Variants in SPEN observed in about 807,000 individuals in gnomAD.
SPEN encodes msx2-interacting protein.
Under a neutral mutation model 269.9 loss-of-function variants are expected in SPEN, and 18 were observed. That is an observed-to-expected ratio of 0.07 (90% confidence interval 0.05 to 0.10). The LOEUF is 0.10. Among genes scored for constraint, SPEN ranks in the 10% least tolerant of loss-of-function variants. SPEN has a pLI of 1.00. For missense variants in SPEN, 3,822 were observed against 4,631.2 expected (o/e 0.83, Z 5.07); for synonymous variants, 1,726 against 1,765.7 (o/e 0.98, Z 0.56).
At position 15,911,201 on chromosome 1, in the gene SPEN, A is replaced by G; in HGVS notation, c.1143A>G (p.Val381=). ...CTTCAGAAGAGAGGTATGGTCTGGT[A>G]TTCTTTCGGCAGCAAGAGGACCAAG... ...HGTSEERYGL[V]FFRQQEDQEK... The change falls in exon 5 of 15, where the codon GTA becomes GTG. Residue 381 remains valine (V), a synonymous_variant. Transcript: ENST00000375759. 6.2e-7 allele frequency: 1 copy of G among 1,614,148 alleles called. No individual in the cohort carries two copies. The highest frequency in any genetic ancestry group is 8.5e-7 in the Non-Finnish European group (1 of 1,180,000).
At chr1:15,860,992 C>T (rs1028540855) in intron 1 of SPEN, among the ~76,000 whole-genome samples, 3 of 151,988 alleles carry the variant, frequency 2.0e-5, no homozygotes, top group Non-Finnish European at 4.4e-5. Context: ...GCAATCTCTG[C>T]CTCCTGGGTT....
rs546265986 is a variant in SPEN at position 15,856,535 on chromosome 1, T to G, written c.83+8385T>G. The stretch of plus-strand genomic sequence containing the variant: ...ATTATTGTCATCACAACTTGGAAAT[T>G]ACAGTGGCTGTTAGATCTGCTGCCA... On this transcript the variant is annotated intron_variant, in intron 1 of 14. Coordinates refer to ENST00000375759, the MANE Select transcript of SPEN (RefSeq NM_015001.3). Among the ~76,000 whole-genome samples, 280 of 151,994 alleles carry G rather than the reference T, an allele frequency of 1.8e-3. 1 individual carries two copies. Among genetic ancestry groups the G allele is most frequent in the African/African-American group, 6.5e-3 (269 of 41,472 alleles).
chr1:15,870,055 G>A (rs2070557302), intron 1 of SPEN, among the ~76,000 whole-genome samples: 1 of 151,994 alleles, frequency 6.6e-6, no homozygotes. Flanking sequence ...TTTTAGTAGA[G>A]ACGGGGTTTC....
chr1:15,938,392 A>G (rs946065953), intron 13 of SPEN, among the ~76,000 whole-genome samples: 1 of 152,184 alleles, frequency 6.6e-6, no homozygotes, highest in Admixed American at 6.5e-5. Context: ...CTGGGATTAC[A>G]GGCCTGAGCC....
Position 15,933,261 on chromosome 1 carries a change from A to G in SPEN, c.7021A>G (p.Lys2341Glu), listed in dbSNP as rs768563868. 1 of 1,614,056 alleles carries G rather than the reference A, an allele frequency of 6.2e-7. No homozygotes were observed. Among genetic ancestry groups the G allele is most frequent in the African/African-American group, 1.3e-5 (1 of 74,924 alleles). The change falls in exon 11 of 15, where the codon AAG (lysine) becomes GAG (glutamate). Residue 2341 changes from lysine (K) to glutamate (E), a missense_variant. Around this residue, in one of 16 missense-constraint regions of SPEN, gnomAD observed 727 missense variants for 737.9 expected, o/e 0.99. Transcript: ENST00000375759. This position sits in a 1 kb window ranked among gnomAD's most constrained non-coding sequence, Gnocchi z 5.7. ...GRQKTTRSRR[K>E]RNTNKKVVAP... Reference sequence around the variant, plus strand: ...CCAGAAAACAACCCGATCACGCCGCAAGCGAAACACAAACAAGAAAGTGGT... The same window carrying G: ...CCAGAAAACAACCCGATCACGCCGCGAGCGAAACACAAACAAGAAAGTGGT...
intron 10 of SPEN, among the ~76,000 whole-genome samples, chr1:15,923,530 G>A (rs1200094927): frequency 1.3e-5 from 2 of 152,184 alleles, no homozygotes; most frequent in African/African-American, 4.8e-5. Context: ...CCAAGTCAGG[G>A]TTGTGCTGCC....
At chr1:15,920,789 T>C in intron 8 of SPEN, 81 bp from the exon 9 acceptor site, 3 of 634,064 alleles carry the variant, frequency 4.7e-6, no homozygotes, top group African/African-American at 1.9e-5. Context: ...TCCGTGTCCT[T>C]GTGGCTTAGG....
intron 3 of SPEN, among the ~76,000 whole-genome samples, chr1:15,901,884 C>A (rs992101647): frequency 6.7e-6 from 1 of 148,284 alleles, no homozygotes; most frequent in East Asian, 2.0e-4. Flanking sequence ...GTGAGAATGA[C>A]GTTTTATTTT....
At position 15,930,539 on chromosome 1, in the gene SPEN, T is replaced by G; in HGVS notation, c.4299T>G (p.Ser1433=). The stretch of plus-strand genomic sequence containing the variant: ...CTTTAGAAAGGAACAAATTTTACTC[T>G]TTTGCATTGGATAAGACAATCACAC... The part of the protein sequence containing the change: ...SSSLERNKFY[S]FALDKTITPD... Residue 1433 remains serine, a synonymous_variant, in exon 11 of 15, where the codon TCT becomes TCG. Coordinates refer to ENST00000375759, the MANE Select transcript of SPEN (RefSeq NM_015001.3). This position sits in a 1 kb window ranked among gnomAD's most constrained non-coding sequence, Gnocchi z 5.3. 6.2e-7 allele frequency: 1 copy of G among 1,614,140 alleles called. No individual in the cohort carries two copies. The highest frequency in any genetic ancestry group is 1.1e-5 in the South Asian group (1 of 91,076).
chr1:15,877,738 CTT>C (rs777782248), intron 3 of SPEN, among the ~76,000 whole-genome samples: 16 of 106,818 alleles, frequency 1.5e-4, no homozygotes, highest in African/African-American at 2.0e-4. Context: ...TCAGCTTTCC[CTT>C]TTTTTTTTTT....
chr1:15,915,180 G>A (rs1434975679), intron 5 of SPEN, among the ~76,000 whole-genome samples: 3 of 152,154 alleles, frequency 2.0e-5, no homozygotes, highest in Non-Finnish European at 4.4e-5. Flanking sequence ...CATTTTTGCT[G>A]GGGTTTAAAA....
Position 15,928,465 on chromosome 1 carries a change from C to T in SPEN, c.2225C>T (p.Ser742Phe). Reference protein sequence around the residue: ...RRPQSPGASPSQAERLPSDSE... With the variant: ...RRPQSPGASPFQAERLPSDSE... ...CCACAGAGTCCTGGAGCGTCTCCCT[C>T]TCAGGCAGAGAGGTTGCCGAGTGAT... is the stretch of plus-strand genomic sequence containing the variant. The change falls in exon 11 of 15, where the codon TCT becomes TTT. Residue 742 changes from serine to phenylalanine, a missense_variant. Ser to Phe is a radical substitution (Grantham distance 155). Around this residue, in one of 16 missense-constraint regions of SPEN, gnomAD observed 572 missense variants for 582.6 expected, o/e 0.98. Coordinates refer to ENST00000375759, the MANE Select transcript of SPEN (RefSeq NM_015001.3). The surrounding 1 kb of genome is among the most constrained non-coding windows in gnomAD (Gnocchi z 5.7). 1.1e-5 allele frequency: 18 copies of T among 1,614,138 alleles called. No individual in the cohort carries two copies. The highest frequency in any genetic ancestry group is 1.4e-5 in the Non-Finnish European group (17 of 1,180,030).
chr1:15,848,353 C>T lies in SPEN; in HGVS notation c.83+203C>T, dbSNP rs1305550923. On this transcript the variant is annotated intron_variant, in intron 1 of 14. Transcript: ENST00000375759. The surrounding 1 kb of genome is among the most constrained non-coding windows in gnomAD (Gnocchi z 5.1). ...CGGCGGTGCGGGCGGCCAAGCCGCGCCGCCTTCGAAGAGCCCGCGGGGCCC... is the reference window on the plus strand; with the variant it reads ...CGGCGGTGCGGGCGGCCAAGCCGCGTCGCCTTCGAAGAGCCCGCGGGGCCC... Among the ~76,000 whole-genome samples, 1 of 151,196 alleles carries T rather than the reference C, an allele frequency of 6.6e-6. No individual in the cohort carries two copies. Among genetic ancestry groups the T allele is most frequent in the Non-Finnish European group, 1.5e-5 (1 of 67,666 alleles).
At chr1:15,851,847 G>T (rs1271323682) in intron 1 of SPEN, among the ~76,000 whole-genome samples, 1 of 152,154 alleles carries the variant, frequency 6.6e-6, no homozygotes, top group Non-Finnish European at 1.5e-5. Flanking sequence ...GCCAGGTGTG[G>T]TGGTGTGCAT....
intron 1 of SPEN, among the ~76,000 whole-genome samples, chr1:15,858,115 A>G (rs1017054825): frequency 6.6e-6 from 1 of 152,040 alleles, no homozygotes; most frequent in African/African-American, 2.4e-5. Flanking sequence ...TGACAGAGCA[A>G]GACTCCGTCT....
At chr1:15,899,141 C>T (rs2070873581) in intron 3 of SPEN, among the ~76,000 whole-genome samples, 1 of 152,104 alleles carries the variant, frequency 6.6e-6, no homozygotes, top group African/African-American at 2.4e-5. Context: ...ACAAGGGTTC[C>T]AATTTCTTCA....
rs749176332 is a variant in SPEN, at chr1:15,916,262, C to T, written c.1378C>T (p.Arg460Cys). Residue 460 changes from arginine to cysteine, a missense_variant, in exon 6 of 15, where the codon CGC becomes TGC. Coordinates refer to ENST00000375759, the MANE Select transcript of SPEN (RefSeq NM_015001.3). ...CCATGACCTTCGCAACATCTTCCAG[C>T]GCTTTGGAGAAATTGTGGTATGTTG... is the stretch of plus-strand genomic sequence containing the variant. ...TYHDLRNIFQ[R>C]FGEIVDIDIK... The T allele has an allele frequency of 7.5e-6, 12 of 1,610,732 alleles. No individual in the cohort carries two copies. The highest frequency in any genetic ancestry group is 2.2e-5 in the South Asian group (2 of 90,068).
At position 15,932,073 on chromosome 1, in the gene SPEN, C is replaced by T. The variant is rs757035148; in HGVS notation, c.5833C>T (p.Pro1945Ser). ...AGAGCTTCAGGAGGCTGCAGCGGTT[C>T]CCACCACCCCTCGGAGGGGAAGGCC... ...ERELQEAAAV[P>S]TTPRRGRPPK... Residue 1945 changes from proline (P) to serine (S), a missense_variant, in exon 11 of 15, where the codon CCC becomes TCC. Physicochemically the swap from Pro to Ser is moderately conservative, Grantham distance 74. Around this residue, in one of 16 missense-constraint regions of SPEN, gnomAD observed 533 missense variants for 618.8 expected, o/e 0.86. Transcript: ENST00000375759. This position sits in a 1 kb window ranked among gnomAD's most constrained non-coding sequence, Gnocchi z 4.2. The T allele has an allele frequency of 6.2e-7, 1 of 1,614,096 alleles. No individual in the cohort carries two copies. Among genetic ancestry groups the T allele is most frequent in the East Asian group, 2.2e-5 (1 of 44,876 alleles).
intron 3 of SPEN, 82 bp from the exon 4 acceptor site, chr1:15,909,239 T>C: frequency 6.9e-7 from 1 of 1,450,046 alleles, no homozygotes; most frequent in African/African-American, 1.4e-5. Context: ...TTAGACCTAT[T>C]AGTTATTTTA....
Sources: allele counts gnomAD v4.1 joint callset (sites outside exome capture counted in the v4.1 genomes callset), GRCh38; gene constraint gnomAD v4.1.1; regional missense constraint gnomAD v4.1.1; non-coding constraint Gnocchi (gnomAD v3.1); transcripts MANE v1.5; gene names NCBI Gene and HGNC (gene_info 2026-07-23, HGNC 2026-07-21).